NIPSNAP2: variants seen among roughly 807,000 people sequenced by gnomAD.
NIPSNAP2 encodes nipsnap homolog 2, also known as protein NipSnap homolog 2.
A neutral mutation model predicts 48.4 loss-of-function variants in NIPSNAP2; 42 were observed. That is an observed-to-expected ratio of 0.87 (90% CI 0.68 to 1.12). The LOEUF is 1.12. Among genes scored for constraint, NIPSNAP2 ranks in the 50% most tolerant of loss-of-function variants. NIPSNAP2 has a pLI of 0.00. For missense variants in NIPSNAP2, 314 were observed against 347.3 expected, an observed-to-expected ratio of 0.90 and a Z score of 0.76; for synonymous variants, 158 against 126.6, an observed-to-expected ratio of 1.25 and a Z score of -1.67.
At chr7:55,991,222 G>C (rs773352997) in intron 7 of NIPSNAP2, among the ~76,000 whole-genome samples, 1 of 152,112 alleles carries the variant, frequency 6.6e-6, no homozygotes. Flanking sequence ...GATCATCAAA[G>C]GCTAAATAAT....
chr7:55,968,351 G>A (rs181579887), intron 1 of NIPSNAP2, among the ~76,000 whole-genome samples: 5 of 151,986 alleles, frequency 3.3e-5, no homozygotes, highest in East Asian at 1.9e-4. Flanking sequence ...AAGGATTTAC[G>A]GGAGAAGTAT....
intron 6 of NIPSNAP2, among the ~76,000 whole-genome samples, chr7:55,984,110 A>G (rs573892637): frequency 2.5e-4 from 36 of 145,280 alleles, no homozygotes; most frequent in Admixed American, 2.3e-3. Context: ...ATTTGTTTTT[A>G]AGAAGAAAGA....
At chr7:55,998,916 C>G in intron 9 of NIPSNAP2, 92 bp from the exon 10 acceptor site, 1 of 1,050,200 alleles carries the variant, frequency 9.5e-7, no homozygotes, top group Middle Eastern at 2.0e-4. Flanking sequence ...AGCAGCACAT[C>G]TGTGAACATT....
At chr7:55,976,713 C>G (rs902463425) in intron 1 of NIPSNAP2, among the ~76,000 whole-genome samples, 1 of 152,084 alleles carries the variant, frequency 6.6e-6, no homozygotes, top group Admixed American at 6.6e-5. Flanking sequence ...TAGCAAGACC[C>G]CATCTCTACA....
intron 7 of NIPSNAP2, 35 bp from the exon 8 acceptor site, chr7:55,994,859 C>T: frequency 1.3e-6 from 2 of 1,553,482 alleles, no homozygotes; most frequent in Non-Finnish European, 1.8e-6. Context: ...GTATCTAATT[C>T]AGTGTCTTAA....
At chr7:55,966,456 A>G (rs1786897058) in intron 1 of NIPSNAP2, among the ~76,000 whole-genome samples, 1 of 152,104 alleles carries the variant, frequency 6.6e-6, no homozygotes, top group African/African-American at 2.4e-5. Context: ...ATAAATAAGT[A>G]CATAAATAAA....
At chr7:55,990,607 A>G (rs905112141) in intron 7 of NIPSNAP2, among the ~76,000 whole-genome samples, 7 of 151,992 alleles carry the variant, frequency 4.6e-5, no homozygotes, top group Non-Finnish European at 8.8e-5. Flanking sequence ...TTTCTTTGGC[A>G]GCTTGCTATT....
intron 3 of NIPSNAP2, chr7:55,978,829 TGTATTTGA>T (rs1787155759): frequency 6.3e-6 from 1 of 159,476 alleles, no homozygotes; most frequent in African/African-American, 2.4e-5. Flanking sequence ...GAGTCCTGTA[TGTATTTGA>T]ACATAGCTGC....
At position 55,987,890 on chromosome 7, in the gene NIPSNAP2, G is replaced by T. The variant is rs563966516; in HGVS notation, c.617+3012G>T. On this transcript the variant is annotated intron_variant, in intron 7 of 9. Transcript: ENST00000322090. ...TGTTTTGGAGATCTGTGGCATAACA[G>T]TGTAAATATACTGGACACTGCATAA... Among the ~76,000 whole-genome samples, 11 of 152,294 alleles carry T rather than the reference G, an allele frequency of 7.2e-5. No homozygotes were observed. The East Asian group carries it at 1.7e-3, about 24-fold the overall frequency.
At chr7:55,981,837 G>C in intron 4 of NIPSNAP2, 1 of 389,970 alleles carries the variant, frequency 2.6e-6, no homozygotes, top group Non-Finnish European at 4.7e-6. Flanking sequence ...ACAGAGTCTT[G>C]CTCTGTTGCC....
chr7:55,993,781 T>TA (rs1195237546), intron 7 of NIPSNAP2, among the ~76,000 whole-genome samples: 8 of 152,102 alleles, frequency 5.3e-5, no homozygotes, highest in Non-Finnish European at 1.0e-4. Context: ...GGGAAATTCT[T>TA]AAAGTTTTAA....
intron 7 of NIPSNAP2, among the ~76,000 whole-genome samples, 175 bp from the exon 8 acceptor site, chr7:55,994,713 AAATAAT>A (rs1787521893): frequency 6.6e-6 from 1 of 152,012 alleles, no homozygotes; most frequent in East Asian, 2.0e-4. Flanking sequence ...ACTCCGTCTC[AAATAAT>A]AATAAAGTAA....
intron 4 of NIPSNAP2, 103 bp downstream of exon 4, chr7:55,981,670 A>C: frequency 4.4e-6 from 3 of 680,098 alleles, no homozygotes; most frequent in Non-Finnish European, 7.5e-6. Context: ...AAAGCTTTCC[A>C]AGTCTCAGTC....
chr7:55,965,624 C>T (rs953002327), intron 1 of NIPSNAP2, among the ~76,000 whole-genome samples: 2 of 151,874 alleles, frequency 1.3e-5, no homozygotes, highest in African/African-American at 4.8e-5. Flanking sequence ...CTCGTTGCCC[C>T]GGCTGAAGTG....
At chr7:55,995,307 G>C (rs1787539469) in intron 8 of NIPSNAP2, among the ~76,000 whole-genome samples, 1 of 152,188 alleles carries the variant, frequency 6.6e-6, no homozygotes, top group Non-Finnish European at 1.5e-5. Context: ...TTTGTAGACT[G>C]ACTGCTTACT....
intron 1 of NIPSNAP2, among the ~76,000 whole-genome samples, chr7:55,971,429 T>C (rs1787014136): frequency 6.6e-6 from 1 of 152,178 alleles, no homozygotes; most frequent in Non-Finnish European, 1.5e-5. Flanking sequence ...CCTTACCTCA[T>C]TGTACCCACC....
intron 6 of NIPSNAP2, 126 bp downstream of exon 6, chr7:55,983,994 T>C: frequency 7.4e-6 from 5 of 676,296 alleles, no homozygotes; most frequent in Non-Finnish European, 1.1e-5. Flanking sequence ...TGTATATATA[T>C]GTATTTTTTT....
chr7:55,980,788 A>G (rs887493637), intron 3 of NIPSNAP2: 1 of 152,318 alleles, frequency 6.6e-6, no homozygotes, highest in Non-Finnish European at 1.5e-5. Flanking sequence ...GTGCGAGACT[A>G]CGTGACACCC....
chr7:55,966,698 C>T (rs575479839), intron 1 of NIPSNAP2, among the ~76,000 whole-genome samples: 36 of 152,136 alleles, frequency 2.4e-4, no homozygotes, highest in Non-Finnish European at 1.8e-4. Context: ...GGGAGTATGG[C>T]TTGAACCTGG....
Sources: gnomAD v4.1 joint callset for allele counts (sites outside exome capture counted in the v4.1 genomes callset) on GRCh38, gnomAD v4.1.1 for gene constraint, MANE v1.5 for transcripts, NCBI Gene and HGNC (gene_info 2026-07-23, HGNC 2026-07-21) for gene names.